NUFIP1: variants seen among roughly 807,000 people sequenced by gnomAD.
The protein encoded by NUFIP1 is nuclear FMR1 interacting protein 1, also known as FMR1-interacting protein NUFIP1.
In NUFIP1, 38 loss-of-function variants were observed where a neutral mutation model predicts 56.2. That is an observed-to-expected ratio of 0.68 (90% confidence interval 0.52 to 0.89). The LOEUF is 0.89. Among genes scored for constraint, NUFIP1 ranks in the 40% least tolerant of loss-of-function variants. The pLI, the probability that NUFIP1 is intolerant of heterozygous loss-of-function variation, is 0.00. For missense variants in NUFIP1, 567 were observed against 605.8 expected, an observed-to-expected ratio of 0.94 and a Z score of 0.67; for synonymous variants, 215 against 212.4, an observed-to-expected ratio of 1.01 and a Z score of -0.10.
At chr13:44,956,732 G>C (rs1235633877) in intron 7 of NUFIP1, among the ~76,000 whole-genome samples, 2 of 152,314 alleles carry the variant, frequency 1.3e-5, no homozygotes, top group South Asian at 2.1e-4. Context: ...CTCACAGGTA[G>C]TAAGGCAGGC....
At chr13:44,944,511 C>T (rs1209835637) in intron 8 of NUFIP1, among the ~76,000 whole-genome samples, 2 of 152,038 alleles carry the variant, frequency 1.3e-5, no homozygotes, top group Non-Finnish European at 2.9e-5. Context: ...GAATATTGAA[C>T]GTTCCAATCT....
At chr13:44,976,696 G>A (rs1871992792) in intron 5 of NUFIP1, among the ~76,000 whole-genome samples, 1 of 152,086 alleles carries the variant, frequency 6.6e-6, no homozygotes, top group South Asian at 2.1e-4. Flanking sequence ...TCCATTTTAT[G>A]TTGCTATAAC....
intron 5 of NUFIP1, among the ~76,000 whole-genome samples, chr13:44,969,689 C>T (rs1223274034): frequency 6.6e-6 from 1 of 152,144 alleles, no homozygotes; most frequent in Non-Finnish European, 1.5e-5. Flanking sequence ...ATTGCCTATA[C>T]CTTATGCCTC....
intron 5 of NUFIP1, among the ~76,000 whole-genome samples, chr13:44,974,429 C>T (rs1442292587): frequency 1.3e-5 from 2 of 152,142 alleles, no homozygotes; most frequent in African/African-American, 4.8e-5. Flanking sequence ...TATTCCAAGC[C>T]CTGGTAGAGA....
At chr13:44,948,089 C>G (rs1870954497) in intron 8 of NUFIP1, among the ~76,000 whole-genome samples, 1 of 151,544 alleles carries the variant, frequency 6.6e-6, no homozygotes, top group African/African-American at 2.4e-5. Context: ...CATTGATTAT[C>G]TCTAGCCTAG....
At chr13:44,961,304 A>C (rs1871415931) in intron 6 of NUFIP1, among the ~76,000 whole-genome samples, 1 of 152,150 alleles carries the variant, frequency 6.6e-6, no homozygotes, top group Non-Finnish European at 1.5e-5. Context: ...CTGCATCTAA[A>C]TCTCAACTTT....
At chr13:44,961,633 C>T (rs1011483238) in intron 6 of NUFIP1, among the ~76,000 whole-genome samples, 4 of 152,120 alleles carry the variant, frequency 2.6e-5, no homozygotes, top group Non-Finnish European at 4.4e-5. Flanking sequence ...AAGCCATGGA[C>T]CAATCTCCTA....
At chr13:44,942,676 T>A (rs1870781899) in intron 9 of NUFIP1, among the ~76,000 whole-genome samples, 1 of 152,226 alleles carries the variant, frequency 6.6e-6, no homozygotes, top group Admixed American at 6.5e-5. Flanking sequence ...AACAGCTTCA[T>A]GTCCACTACT....
intron 5 of NUFIP1, among the ~76,000 whole-genome samples, chr13:44,971,617 A>T (rs1309101368): frequency 1.3e-5 from 2 of 152,050 alleles, no homozygotes; most frequent in African/African-American, 2.4e-5. Flanking sequence ...GCATCCCATC[A>T]ACTCCACTGC....
intron 7 of NUFIP1, among the ~76,000 whole-genome samples, chr13:44,958,315 C>A (rs1320952987): frequency 6.6e-6 from 1 of 152,130 alleles, no homozygotes; most frequent in Admixed American, 6.5e-5. Context: ...TCTCTATGTT[C>A]CTCATTTCTA....
intron 5 of NUFIP1, among the ~76,000 whole-genome samples, chr13:44,967,421 T>C (rs1871644400): frequency 6.6e-6 from 1 of 151,774 alleles, no homozygotes; most frequent in Non-Finnish European, 1.5e-5. Context: ...GACAAGAGAA[T>C]TGCTTGAACC....
intron 1 of NUFIP1, among the ~76,000 whole-genome samples, chr13:44,983,480 C>T (rs1017098703): frequency 2.6e-5 from 4 of 151,368 alleles, no homozygotes; most frequent in Non-Finnish European, 4.4e-5. Flanking sequence ...CCCAGCCCCC[C>T]GTCTCAAATA....
At chr13:44,944,391 C>G (rs1486203242) in intron 8 of NUFIP1, among the ~76,000 whole-genome samples, 2 of 152,050 alleles carry the variant, frequency 1.3e-5, no homozygotes, top group African/African-American at 4.8e-5. Context: ...CTAAAGGGGT[C>G]AATTCGTCAA....
chr13:44,946,705 T>C (rs917087092), intron 8 of NUFIP1, among the ~76,000 whole-genome samples: 61 of 152,334 alleles, frequency 4.0e-4, no homozygotes, highest in African/African-American at 1.5e-3. Context: ...CAGATCTTAA[T>C]TATGAAGACA....
intron 8 of NUFIP1, 38 bp downstream of exon 8, chr13:44,949,684 C>G (rs982011658): frequency 2.1e-5 from 28 of 1,364,710 alleles, no homozygotes; most frequent in Non-Finnish European, 2.7e-5. Context: ...CAAAAAGCAA[C>G]AAAACAAAAC....
intron 9 of NUFIP1, among the ~76,000 whole-genome samples, chr13:44,943,071 T>A (rs932927069): frequency 6.6e-6 from 1 of 152,168 alleles, no homozygotes; most frequent in African/African-American, 2.4e-5. Context: ...TTCCTTTTTG[T>A]TACTGTATGG....
At chr13:44,946,282 A>G (rs1207411299) in intron 8 of NUFIP1, among the ~76,000 whole-genome samples, 3 of 152,114 alleles carry the variant, frequency 2.0e-5, no homozygotes, top group Admixed American at 2.0e-4. Flanking sequence ...TATTAATGTA[A>G]TGTTCACCAA....
At chr13:44,974,636 C>G (rs950866543) in intron 5 of NUFIP1, among the ~76,000 whole-genome samples, 2 of 152,180 alleles carry the variant, frequency 1.3e-5, no homozygotes, top group Admixed American at 6.5e-5. Context: ...ACTGCAACCT[C>G]AAACTCCTGG....
chr13:44,941,405 C>A (rs534778904), intron 9 of NUFIP1, 83 bp from the exon 10 acceptor site: 3 of 739,246 alleles, frequency 4.1e-6, no homozygotes, highest in African/African-American at 1.8e-5. Flanking sequence ...TGTACCCTCA[C>A]CATATAAAGA....
Sources: gnomAD v4.1 joint callset for allele counts (sites outside exome capture counted in the v4.1 genomes callset) on GRCh38, gnomAD v4.1.1 for gene constraint, MANE v1.5 for transcripts, NCBI Gene and HGNC (gene_info 2026-07-23, HGNC 2026-07-21) for gene names.